Variants in TRIP12 observed in about 807,000 individuals in gnomAD.
TRIP12 encodes the protein thyroid hormone receptor interactor 12.
In TRIP12, 25 loss-of-function variants were observed where a neutral mutation model predicts 244.2. That is an observed-to-expected ratio of 0.10 (90% CI 0.07 to 0.14). The LOEUF (loss-of-function observed/expected upper bound fraction) is 0.14. TRIP12 is among the 10% of genes least tolerant of loss of function. The pLI is 1.00. For synonymous variants in TRIP12, 905 were observed against 873.1 expected, an observed-to-expected ratio of 1.04 and a Z score of -0.64; for missense variants, 1,677 against 2,486.4, an observed-to-expected ratio of 0.67 and a Z score of 6.92.
chr2:229,802,165 T>C, intron 21 of TRIP12, 87 bp downstream of exon 21: 1 of 988,450 alleles, frequency 1.0e-6, no homozygotes, highest in Non-Finnish European at 1.4e-6. Flanking sequence ...TGCTAATATG[T>C]TACCATTTTA....
At chr2:229,918,209 T>C (rs923229409) in intron 1 of TRIP12, among the ~76,000 whole-genome samples, 6 of 152,240 alleles carry the variant, frequency 3.9e-5, no homozygotes, top group Non-Finnish European at 7.3e-5. Context: ...CTTTATCTTC[T>C]ATGTTTTTCT....
intron 9 of TRIP12, among the ~76,000 whole-genome samples, chr2:229,817,150 A>G (rs538034274): frequency 6.6e-6 from 1 of 152,324 alleles, no homozygotes; most frequent in East Asian, 1.9e-4. Flanking sequence ...CTCTCTCACC[A>G]AAACTCAAGC....
intron 6 of TRIP12, among the ~76,000 whole-genome samples, chr2:229,834,914 T>C (rs2054398455): frequency 6.6e-6 from 1 of 152,186 alleles, no homozygotes; most frequent in Admixed American, 6.5e-5. Flanking sequence ...TATTTCCAAA[T>C]AAATGTTTCC....
rs757745930 is a variant in TRIP12 at position 229,840,878 on chromosome 2, G to A, written c.1077C>T (p.Leu359=). ...KKRSESPPAE[L]PSLRRSTRQK... is the part of the protein sequence containing the mutation. ...GGCGTGTGCTCCGCCTCAAACTGGG[G>A]AGCTCAGCAGGTGGAGACTCACTGC... Residue 359 remains leucine, a synonymous_variant, in exon 5 of 42, where the codon CTC becomes CTT. Coordinates refer to ENST00000675903, the MANE Select transcript of TRIP12 (RefSeq NM_001348323.3). The A allele has an allele frequency of 1.2e-6, 2 of 1,610,988 alleles. No individual in the cohort carries two copies. The highest frequency in any genetic ancestry group is 3.4e-5 in the Admixed American group (2 of 59,262).
chr2:229,767,721 T>C lies in TRIP12; in HGVS notation c.6037A>G (p.Ile2013Val), dbSNP rs767759851. 1.2e-6 allele frequency: 2 copies of C among 1,612,772 alleles called. No individual in the cohort carries two copies. The highest frequency in any genetic ancestry group is 1.7e-5 in the Admixed American group (1 of 59,704). ...GFRSLNPPLTIVRKTFESTEN... is the reference protein window; with the variant it reads ...GFRSLNPPLTVVRKTFESTEN... ...GTTGATTCAAACGTCTTTCGGACAA[T>C]TGTCAAAGGTGGATTCAAACTCCGG... Residue 2013 changes from isoleucine to valine, a missense_variant, in exon 42 of 42, where the codon ATT (isoleucine) becomes GTT (valine). Coordinates refer to ENST00000675903, the MANE Select transcript of TRIP12 (RefSeq NM_001348323.3).
At chr2:229,884,412 T>C (rs2065566013) in intron 1 of TRIP12, among the ~76,000 whole-genome samples, 1 of 151,750 alleles carries the variant, frequency 6.6e-6, no homozygotes, top group African/African-American at 2.4e-5. Context: ...AATTTTTGTA[T>C]TTTTAGTAGA....
intron 18 of TRIP12, among the ~76,000 whole-genome samples, chr2:229,804,803 T>G (rs1246400163): frequency 2.0e-5 from 3 of 152,230 alleles, no homozygotes; most frequent in African/African-American, 7.2e-5. Flanking sequence ...TCACATATTG[T>G]ATATGGCTAA....
At chr2:229,811,861 A>AT (rs1426739784) in intron 13 of TRIP12, among the ~76,000 whole-genome samples, 1 of 152,216 alleles carries the variant, frequency 6.6e-6, no homozygotes, top group East Asian at 1.9e-4. Context: ...TGTAAAAATT[A>AT]GACTTGTTTC....
chr2:229,836,156 G>A (rs1404236881), intron 6 of TRIP12, among the ~76,000 whole-genome samples: 2 of 152,164 alleles, frequency 1.3e-5, no homozygotes, highest in African/African-American at 2.4e-5. Flanking sequence ...TCAAAAGGAA[G>A]TATATGCCTG....
At position 229,863,371 on chromosome 2, in the gene TRIP12, C is replaced by T. The variant is rs182929621; in HGVS notation, c.99-2840G>A. Among the ~76,000 whole-genome samples the T allele has an allele frequency of 8.6e-5, 13 of 151,630 alleles. No homozygotes were observed. In the East Asian group the frequency reaches 2.3e-3, roughly 27 times the overall value. ...TATAAAATATTGATACTTAACTGTC[C>T]CTTCTGCCTATCTGTTTAGCCCATG... On this transcript the variant is annotated intron_variant, in intron 2 of 41. Transcript: ENST00000675903.
chr2:229,852,973 A>AAT (rs1166269711), intron 4 of TRIP12, among the ~76,000 whole-genome samples: 1 of 152,234 alleles, frequency 6.6e-6, no homozygotes, highest in Non-Finnish European at 1.5e-5. Context: ...CACAGCTTTC[A>AAT]ATATATTCCT....
At chr2:229,812,476 A>G (rs1438537829) in intron 13 of TRIP12, among the ~76,000 whole-genome samples, 2 of 152,244 alleles carry the variant, frequency 1.3e-5, no homozygotes, top group African/African-American at 4.8e-5. Context: ...AAGGCTCTAG[A>G]GTGATTCAAT....
chr2:229,785,518 T>G (rs1356960865), intron 34 of TRIP12, among the ~76,000 whole-genome samples: 2 of 152,232 alleles, frequency 1.3e-5, no homozygotes, highest in Admixed American at 6.5e-5. Context: ...AAAATATCCT[T>G]TCAATTTATC....
chr2:229,882,073 A>G (rs1207163161), intron 1 of TRIP12, among the ~76,000 whole-genome samples: 1 of 152,204 alleles, frequency 6.6e-6, no homozygotes, highest in Non-Finnish European at 1.5e-5. Context: ...TCTTGCATAT[A>G]TGAGTGTGTG....
At chr2:229,887,045 T>A (rs1218052776) in intron 1 of TRIP12, among the ~76,000 whole-genome samples, 2 of 152,150 alleles carry the variant, frequency 1.3e-5, no homozygotes, top group African/African-American at 2.4e-5. Context: ...AATACAAGTT[T>A]GACTGAGCAA....
At chr2:229,893,064 G>A (rs1233012253) in intron 1 of TRIP12, among the ~76,000 whole-genome samples, 1 of 152,064 alleles carries the variant, frequency 6.6e-6, no homozygotes, top group Non-Finnish European at 1.5e-5. Flanking sequence ...CCTGCATGCA[G>A]ATTATAAAAT....
At chr2:229,818,232 A>C in intron 9 of TRIP12, 132 bp downstream of exon 9, 9 of 965,404 alleles carry the variant, frequency 9.3e-6, no homozygotes, top group Non-Finnish European at 1.4e-5. Context: ...TACAAGCACC[A>C]AGTCATATAC....
chr2:229,821,925 A>G (rs1316954438), intron 8 of TRIP12, among the ~76,000 whole-genome samples: 1 of 152,184 alleles, frequency 6.6e-6, no homozygotes, highest in Non-Finnish European at 1.5e-5. Context: ...GGATCACCTG[A>G]GGTCAGGAGT....
At chr2:229,916,570 C>A (rs2075426850) in intron 1 of TRIP12, among the ~76,000 whole-genome samples, 1 of 152,120 alleles carries the variant, frequency 6.6e-6, no homozygotes, top group Non-Finnish European at 1.5e-5. Flanking sequence ...AACGAACAAG[C>A]ATAACCATGA....
Sources: allele counts gnomAD v4.1 joint callset (sites outside exome capture counted in the v4.1 genomes callset), GRCh38; gene constraint gnomAD v4.1.1; transcripts MANE v1.5; gene names NCBI Gene and HGNC (gene_info 2026-07-23, HGNC 2026-07-21).